CHST11: variants seen among roughly 807,000 people sequenced by gnomAD.
The protein encoded by CHST11 is carbohydrate sulfotransferase 11.
Under a neutral mutation model 30.4 loss-of-function variants are expected in CHST11, and 9 were observed. That is an observed-to-expected ratio of 0.30 (90% CI 0.18 to 0.52). The LOEUF (loss-of-function observed/expected upper bound fraction) is 0.52, where lower values mean the gene tolerates loss of function less well. Ranked by LOEUF, CHST11 falls within the 20% of genes least tolerant of loss-of-function variation. The pLI, the probability that CHST11 is intolerant of heterozygous loss-of-function variation, is 0.97. For synonymous variants in CHST11, 152 were observed against 187.8 expected, an observed-to-expected ratio of 0.81 and a Z score of 1.56; for missense variants, 348 against 460.6, an observed-to-expected ratio of 0.76 and a Z score of 2.24.
intron 1 of CHST11, among the ~76,000 whole-genome samples, chr12:104,513,123 T>TTGGG (rs1555229063): frequency 3.8e-3 from 13 of 3,384 alleles, no homozygotes; most frequent in African/African-American, 0.019. Context: ...ATGTCATGAC[T>TTGGG]GGGGGGGGGG....
At chr12:104,660,355 T>C (rs2039587708) in intron 2 of CHST11, among the ~76,000 whole-genome samples, 1 of 152,224 alleles carries the variant, frequency 6.6e-6, no homozygotes, top group Non-Finnish European at 1.5e-5. Flanking sequence ...GGCATTGCCA[T>C]TGCCCACGGG....
At chr12:104,544,760 G>T (rs532052641) in intron 1 of CHST11, among the ~76,000 whole-genome samples, 1 of 64,860 alleles carries the variant, frequency 1.5e-5, no homozygotes, top group African/African-American at 4.5e-5. Context: ...TGTGCCCTGG[G>T]GGTCACAGTC....
chr12:104,655,284 C>CG (rs1450385210), intron 2 of CHST11, among the ~76,000 whole-genome samples: 4 of 152,232 alleles, frequency 2.6e-5, no homozygotes, highest in Admixed American at 2.6e-4. Context: ...GCCGGAGGCG[C>CG]GGGCAGGTAT....
rs946071321 is a variant in CHST11 at position 104,587,880 on chromosome 12, C to G, written c.119-14026C>G. ...TTTGAGATGGAGTCTCACTCTGTCACCCGGGCTGGAGGAGATTAGGTTTTT... is the reference window on the plus strand; with the variant it reads ...TTTGAGATGGAGTCTCACTCTGTCAGCCGGGCTGGAGGAGATTAGGTTTTT... On this transcript the variant is annotated intron_variant, in intron 1 of 2. Transcript: ENST00000303694. 4.0e-5 allele frequency among the ~76,000 whole-genome samples: 5 copies of G among 123,516 alleles called. 1 individual carries two copies. Among genetic ancestry groups the G allele is most frequent in the East Asian group, 2.3e-4 (1 of 4,430 alleles). The allele number at this position is 123,516 out of a possible 152,430, so 81.0% of individuals were successfully genotyped here.
intron 2 of CHST11, among the ~76,000 whole-genome samples, chr12:104,674,622 A>G (rs758435365): frequency 1.3e-5 from 2 of 152,206 alleles, no homozygotes; most frequent in Non-Finnish European, 2.9e-5. Flanking sequence ...GAAGAGTCAG[A>G]GTTCCATAAA....
chr12:104,544,571 A>G (rs926500361), intron 1 of CHST11, among the ~76,000 whole-genome samples: 2 of 151,906 alleles, frequency 1.3e-5, no homozygotes, highest in Non-Finnish European at 2.9e-5. Context: ...GCTGGGTGTC[A>G]TGGCAGACAC....
At chr12:104,567,083 A>C (rs978425117) in intron 1 of CHST11, among the ~76,000 whole-genome samples, 1 of 152,210 alleles carries the variant, frequency 6.6e-6, no homozygotes, top group African/African-American at 2.4e-5. Context: ...GTTCTTTATC[A>C]GGACCAATTT....
At chr12:104,741,538 T>A (rs1265897572) in intron 2 of CHST11, among the ~76,000 whole-genome samples, 3 of 152,226 alleles carry the variant, frequency 2.0e-5, no homozygotes, top group Non-Finnish European at 4.4e-5. Flanking sequence ...ATTCCATGAA[T>A]CCTTTACAGT....
At chr12:104,679,574 C>A (rs569589248) in intron 2 of CHST11, among the ~76,000 whole-genome samples, 2 of 152,240 alleles carry the variant, frequency 1.3e-5, no homozygotes, top group African/African-American at 4.8e-5. Flanking sequence ...GCTGATGAGA[C>A]CCCAGCAGCT....
chr12:104,657,139 A>C (rs995419849), intron 2 of CHST11, among the ~76,000 whole-genome samples: 3 of 152,134 alleles, frequency 2.0e-5, no homozygotes, highest in Middle Eastern at 3.4e-3. Context: ...CTGCCATCCC[A>C]GTTTGTTTTT....
At chr12:104,632,111 G>A (rs987146898) in intron 2 of CHST11, among the ~76,000 whole-genome samples, 1 of 152,148 alleles carries the variant, frequency 6.6e-6, no homozygotes, top group Non-Finnish European at 1.5e-5. Context: ...CCCCGTCCCC[G>A]AGGTGTCTGC....
At chr12:104,697,085 G>A (rs2039953818) in intron 2 of CHST11, among the ~76,000 whole-genome samples, 1 of 152,086 alleles carries the variant, frequency 6.6e-6, no homozygotes, top group African/African-American at 2.4e-5. Flanking sequence ...AAGCATCCTG[G>A]TGCATGTCTG....
chr12:104,741,770 A>G (rs560857753), intron 2 of CHST11, among the ~76,000 whole-genome samples: 11 of 152,304 alleles, frequency 7.2e-5, no homozygotes, highest in African/African-American at 2.6e-4. Flanking sequence ...ACGCTCAATC[A>G]TCAGTTCTCA....
At chr12:104,519,751 T>C (rs1261223737) in intron 1 of CHST11, among the ~76,000 whole-genome samples, 1 of 152,188 alleles carries the variant, frequency 6.6e-6, no homozygotes, top group African/African-American at 2.4e-5. Flanking sequence ...TTGGCTCAGA[T>C]TGATATTTTC....
intron 2 of CHST11, among the ~76,000 whole-genome samples, chr12:104,634,932 T>C (rs953174503): frequency 2.1e-4 from 32 of 152,088 alleles, no homozygotes; most frequent in African/African-American, 7.5e-4. Flanking sequence ...GAGTCATTCA[T>C]CAAGGGAAGG....
chr12:104,747,525 G>A (rs1244083313), intron 2 of CHST11, among the ~76,000 whole-genome samples: 1 of 152,048 alleles, frequency 6.6e-6, no homozygotes, highest in Non-Finnish European at 1.5e-5. Context: ...CCCTTTTCAT[G>A]AGAGTTTAGT....
At chr12:104,460,863 T>G (rs2037401679) in intron 1 of CHST11, among the ~76,000 whole-genome samples, 1 of 152,214 alleles carries the variant, frequency 6.6e-6, no homozygotes, top group African/African-American at 2.4e-5. Flanking sequence ...TTAGAAGTTT[T>G]TGATACTCTG....
chr12:104,456,953 G>C lies in CHST11; in HGVS notation c.-459G>C, dbSNP rs969027906. ...CGCCGGGGGCCGCGAGTTGCATTTG[G>C]TAAAACCCAGCCCCGGAATATATAG... On this transcript the variant is annotated 5_prime_UTR_variant, in exon 1 of 3. Transcript: ENST00000303694. 3 of 152,470 alleles carry C rather than the reference G, an allele frequency of 2.0e-5. No homozygotes were observed. The highest frequency in any genetic ancestry group is 1.3e-4 in the Admixed American group (2 of 15,294). The allele number at this position is 152,470 out of a possible 1,614,324, so 9.4% of individuals were successfully genotyped here. A position where few individuals can be genotyped will look rare whatever the true frequency, so the allele number is the denominator to read the frequency against.
chr12:104,607,572 C>T (rs540545039), intron 2 of CHST11, among the ~76,000 whole-genome samples: 2 of 152,180 alleles, frequency 1.3e-5, no homozygotes, highest in African/African-American at 2.4e-5. Flanking sequence ...TGAGTCCGGT[C>T]TCTGAAGACA....
Sources: gnomAD v4.1 joint callset for allele counts (sites outside exome capture counted in the v4.1 genomes callset) on GRCh38, gnomAD v4.1.1 for gene constraint, MANE v1.5 for transcripts, NCBI Gene and HGNC (gene_info 2026-07-23, HGNC 2026-07-21) for gene names.